The following CNTN5 variants were observed in gnomAD, a reference collection of about 807,000 sequenced individuals.
The protein encoded by CNTN5 is contactin 5.
Under a neutral mutation model 129.1 loss-of-function variants are expected in CNTN5, and 77 were observed. That is an observed-to-expected ratio of 0.60 (90% CI 0.50 to 0.72). The LOEUF (loss-of-function observed/expected upper bound fraction) is 0.72. Among genes scored for constraint, CNTN5 ranks in the 30% least tolerant of loss-of-function variants. CNTN5 has a pLI of 0.00. For synonymous variants in CNTN5, 509 were observed against 465.6 expected (o/e 1.09, Z -1.20); for missense variants, 1,478 against 1,328.8 (o/e 1.11, Z -1.75).
intron 3 of CNTN5, among the ~76,000 whole-genome samples, chr11:99,747,270 C>T (rs1345198819): frequency 6.6e-6 from 1 of 152,026 alleles, no homozygotes; most frequent in Non-Finnish European, 1.5e-5. Context: ...ATTTTGTATC[C>T]TGCAACTTTA....
intron 1 of CNTN5, among the ~76,000 whole-genome samples, chr11:99,205,892 A>G (rs1859455828): frequency 6.6e-6 from 1 of 152,174 alleles, no homozygotes; most frequent in African/African-American, 2.4e-5. Context: ...GGCCCTTCTG[A>G]AAACATCTTT....
intron 1 of CNTN5, among the ~76,000 whole-genome samples, chr11:99,063,681 C>T (rs1249482556): frequency 6.6e-6 from 1 of 151,998 alleles, no homozygotes; most frequent in Non-Finnish European, 1.5e-5. Context: ...ACACTTTAGC[C>T]TCTTTGAGAA....
intron 3 of CNTN5, among the ~76,000 whole-genome samples, chr11:99,706,405 T>C (rs1954758108): frequency 6.6e-6 from 1 of 151,566 alleles, no homozygotes; most frequent in African/African-American, 2.4e-5. Context: ...TAAAATATTA[T>C]CTAATAAGAA....
intron 3 of CNTN5, among the ~76,000 whole-genome samples, chr11:99,766,098 A>G (rs1185477663): frequency 1.3e-5 from 2 of 152,024 alleles, no homozygotes; most frequent in Non-Finnish European, 2.9e-5. Flanking sequence ...CTGACACAAT[A>G]TTATTTTATT....
chr11:99,939,849 A>G (rs1406133106), intron 7 of CNTN5, among the ~76,000 whole-genome samples: 1 of 152,170 alleles, frequency 6.6e-6, no homozygotes, highest in Non-Finnish European at 1.5e-5. Context: ...TTATGGAAGT[A>G]AAATCATGAA....
At chr11:99,695,181 C>A (rs1954217050) in intron 3 of CNTN5, among the ~76,000 whole-genome samples, 1 of 151,848 alleles carries the variant, frequency 6.6e-6, no homozygotes, top group South Asian at 2.1e-4. Context: ...ATAAGTAGAT[C>A]ATCTAGAATG....
chr11:100,316,795 T>A (rs1951580927), intron 21 of CNTN5, among the ~76,000 whole-genome samples: 1 of 152,208 alleles, frequency 6.6e-6, no homozygotes, highest in South Asian at 2.1e-4. Flanking sequence ...TATTTTTATC[T>A]TTTTAATAGC....
At chr11:100,302,305 G>T (rs1010651185) in intron 20 of CNTN5, among the ~76,000 whole-genome samples, 1 of 151,510 alleles carries the variant, frequency 6.6e-6, no homozygotes, top group African/African-American at 2.4e-5. Context: ...TCTCCCCTCA[G>T]TGTCTATGGA....
chr11:99,421,463 G>T (rs1489956381), intron 2 of CNTN5, among the ~76,000 whole-genome samples: 6 of 152,218 alleles, frequency 3.9e-5, no homozygotes, highest in Non-Finnish European at 7.4e-5. Context: ...AAAATCATTT[G>T]CTCTTCGTCG....
At chr11:99,631,756 AT>A (rs1443357788) in intron 3 of CNTN5, among the ~76,000 whole-genome samples, 1 of 152,078 alleles carries the variant, frequency 6.6e-6, no homozygotes, top group African/African-American at 2.4e-5. Flanking sequence ...AAGTTAAATG[AT>A]TTGTATAAGA....
chr11:99,970,760 A>T (rs568759009), intron 8 of CNTN5, among the ~76,000 whole-genome samples: 3 of 152,108 alleles, frequency 2.0e-5, no homozygotes, highest in African/African-American at 7.2e-5. Flanking sequence ...GTTGTTGTTT[A>T]TTGTAAAAAC....
At chr11:100,117,633 G>C (rs1394546349) in intron 13 of CNTN5, among the ~76,000 whole-genome samples, 1 of 151,748 alleles carries the variant, frequency 6.6e-6, no homozygotes, top group Non-Finnish European at 1.5e-5. Flanking sequence ...AAATCTCTTT[G>C]TATCAGGCAT....
chr11:99,658,807 G>A (rs1009858886), intron 3 of CNTN5, among the ~76,000 whole-genome samples: 2 of 145,176 alleles, frequency 1.4e-5, no homozygotes, highest in Non-Finnish European at 3.0e-5. Context: ...AGAATTGCTT[G>A]AACCCAGGAG....
At chr11:99,368,025 C>G (rs1186807581) in intron 2 of CNTN5, among the ~76,000 whole-genome samples, 1 of 152,096 alleles carries the variant, frequency 6.6e-6, no homozygotes, top group African/African-American at 2.4e-5. Context: ...TAGCAGCTTG[C>G]AATAGACATT....
At chr11:100,347,222 G>C (rs11223726) in intron 23 of CNTN5, among the ~76,000 whole-genome samples, 44,256 of 151,944 alleles carry the variant, frequency 0.29, 6,729 homozygotes, top group African/African-American at 0.32. Flanking sequence ...GGTTGATACT[G>C]TTTTACATAC....
chr11:99,130,908 A>G (rs1248750543), intron 1 of CNTN5, among the ~76,000 whole-genome samples: 1 of 152,172 alleles, frequency 6.6e-6, no homozygotes, highest in Non-Finnish European at 1.5e-5. Flanking sequence ...GTTATTTGAG[A>G]CCAATGAGAA....
intron 3 of CNTN5, among the ~76,000 whole-genome samples, chr11:99,777,365 T>C (rs913402860): frequency 1.1e-4 from 16 of 151,922 alleles, no homozygotes; most frequent in African/African-American, 3.9e-4. Flanking sequence ...AGGTTGTTTT[T>C]TGCATTTAGT....
At chr11:99,261,194 C>CCAT (rs924064144) in intron 1 of CNTN5, among the ~76,000 whole-genome samples, 1 of 147,016 alleles carries the variant, frequency 6.8e-6, no homozygotes, top group Admixed American at 7.4e-5. Flanking sequence ...ATGTCACATA[C>CCAT]CATAAGTCCC....
intron 10 of CNTN5, among the ~76,000 whole-genome samples, chr11:100,063,182 C>T (rs1164596206): frequency 1.3e-5 from 2 of 151,986 alleles, no homozygotes. Context: ...CTTACTCCTC[C>T]CTTAACCCCA....
Sources: gnomAD v4.1 joint callset for allele counts (sites outside exome capture counted in the v4.1 genomes callset) on GRCh38, gnomAD v4.1.1 for gene constraint, MANE v1.5 for transcripts, NCBI Gene and HGNC (gene_info 2026-07-23, HGNC 2026-07-21) for gene names.